The following STK24 variants were observed in gnomAD, a reference collection of about 807,000 sequenced individuals.
The protein encoded by STK24 is serine/threonine kinase 24, also known as serine/threonine-protein kinase 24.
Under a neutral mutation model 55.6 loss-of-function variants are expected in STK24, and 21 were observed. That is an observed-to-expected ratio of 0.38 (90% CI 0.27 to 0.54). STK24 has a LOEUF of 0.54. Ranked by LOEUF, STK24 falls within the 20% of genes least tolerant of loss-of-function variation. The pLI is 0.79. For synonymous variants in STK24, 200 were observed against 215.2 expected (o/e 0.93, Z 0.62); for missense variants, 383 against 538.4 (o/e 0.71, Z 2.86).
At chr13:98,565,268 G>A (rs1027760390) in intron 1 of STK24, among the ~76,000 whole-genome samples, 1 of 151,770 alleles carries the variant, frequency 6.6e-6, no homozygotes, top group African/African-American at 2.4e-5. Context: ...GAAACTCCAG[G>A]GCAGCAGGGC....
intron 1 of STK24, among the ~76,000 whole-genome samples, chr13:98,547,541 C>T (rs1897058135): frequency 6.6e-6 from 1 of 152,160 alleles, no homozygotes; most frequent in Admixed American, 6.5e-5. Context: ...GAATGAGACC[C>T]TATTTCTTTA....
chr13:98,518,728 A>G (rs148312643), intron 2 of STK24, among the ~76,000 whole-genome samples: 424 of 152,344 alleles, frequency 2.8e-3, no homozygotes, highest in Non-Finnish European at 4.9e-3. Flanking sequence ...TCATATTATT[A>G]TAACTACCGT....
intron 10 of STK24, 22 bp from the exon 11 acceptor site, chr13:98,453,231 G>A: frequency 4.4e-6 from 7 of 1,607,990 alleles, no homozygotes; most frequent in Middle Eastern, 1.7e-4. Context: ...GAGAGAGAGA[G>A]AAGTCAACAC....
chr13:98,545,633 CAAAAAAA>C (rs57995539), intron 1 of STK24, among the ~76,000 whole-genome samples: 1 of 118,156 alleles, frequency 8.5e-6, no homozygotes. Flanking sequence ...AACTCCATCT[CAAAAAAA>C]AAAAAAAAAA....
intron 1 of STK24, among the ~76,000 whole-genome samples, chr13:98,523,059 C>T (rs1301142274): frequency 3.9e-5 from 6 of 152,206 alleles, no homozygotes; most frequent in East Asian, 1.9e-4. Flanking sequence ...CCCCATCCTA[C>T]GAAGAATTTC....
intron 9 of STK24, 72 bp from the exon 10 acceptor site, chr13:98,457,376 G>A (rs968081810): frequency 1.2e-6 from 2 of 1,606,584 alleles, no homozygotes; most frequent in Non-Finnish European, 1.7e-6. Context: ...GCTGTTCAAG[G>A]AACAACACGG....
At chr13:98,576,665 G>T in intron 1 of STK24, 80 bp downstream of exon 1, 2 of 1,272,354 alleles carry the variant, frequency 1.6e-6, no homozygotes, top group Non-Finnish European at 1.1e-6. Context: ...CTGAGCGTAG[G>T]GGGACGCCGT....
intron 2 of STK24, among the ~76,000 whole-genome samples, chr13:98,502,168 C>T (rs1278220721): frequency 6.6e-6 from 1 of 152,138 alleles, no homozygotes. Context: ...AGCACTTACT[C>T]AGGGTGACAT....
At chr13:98,508,309 T>TGTTA (rs1310158339) in intron 2 of STK24, among the ~76,000 whole-genome samples, 2 of 152,172 alleles carry the variant, frequency 1.3e-5, no homozygotes, top group African/African-American at 4.8e-5. Context: ...CAGAGGACGC[T>TGTTA]TCAAAGTTAA....
chr13:98,501,643 C>A (rs1318671996), intron 2 of STK24, among the ~76,000 whole-genome samples: 1 of 152,106 alleles, frequency 6.6e-6, no homozygotes, highest in Non-Finnish European at 1.5e-5. Context: ...AATATATACA[C>A]CTACTGTGTA....
intron 1 of STK24, among the ~76,000 whole-genome samples, chr13:98,528,440 C>T (rs1033375894): frequency 6.6e-6 from 1 of 152,176 alleles, no homozygotes; most frequent in Admixed American, 6.5e-5. Context: ...TCCAGGGTTC[C>T]GGCTCCTTTG....
chr13:98,511,420 T>C (rs530607790), intron 2 of STK24, among the ~76,000 whole-genome samples: 9 of 152,310 alleles, frequency 5.9e-5, no homozygotes, highest in East Asian at 5.8e-4. Context: ...AGACATTAAA[T>C]AGAAATTAAA....
intron 1 of STK24, chr13:98,576,004 G>C (rs1333833661): frequency 9.1e-6 from 9 of 984,970 alleles, no homozygotes; most frequent in Non-Finnish European, 1.1e-5. Flanking sequence ...CCGAAAGAGA[G>C]GTTTACTGGG....
intron 2 of STK24, among the ~76,000 whole-genome samples, chr13:98,506,642 G>A (rs1166313274): frequency 6.6e-6 from 1 of 152,200 alleles, no homozygotes; most frequent in Non-Finnish European, 1.5e-5. Context: ...CCCTGGCTAA[G>A]CTTCCGGATC....
chr13:98,458,782 C>T (rs1474973851), intron 9 of STK24, among the ~76,000 whole-genome samples: 1 of 152,178 alleles, frequency 6.6e-6, no homozygotes, highest in East Asian at 1.9e-4. Context: ...AGCAACCTGA[C>T]CTGTGCTCCC....
intron 1 of STK24, among the ~76,000 whole-genome samples, chr13:98,558,704 C>G (rs965074896): frequency 1.3e-5 from 2 of 152,176 alleles, no homozygotes; most frequent in East Asian, 3.9e-4. Flanking sequence ...AAACTCCTTT[C>G]TATACGAAAA....
At chr13:98,569,654 T>C (rs1441581836) in intron 1 of STK24, among the ~76,000 whole-genome samples, 1 of 151,968 alleles carries the variant, frequency 6.6e-6, no homozygotes, top group Non-Finnish European at 1.5e-5. Context: ...GATCAGTAAC[T>C]ATGGTTGAGT....
intron 2 of STK24, among the ~76,000 whole-genome samples, chr13:98,515,055 T>C (rs918155980): frequency 2.7e-5 from 4 of 146,406 alleles, no homozygotes; most frequent in Non-Finnish European, 4.5e-5. Context: ...TGAATCTCAA[T>C]ATGGACACTC....
chr13:98,482,253 C>A lies in STK24; in HGVS notation c.330+12G>T. The A allele has an allele frequency of 6.6e-7, 1 of 1,523,956 alleles. No homozygotes were observed. The highest frequency in any genetic ancestry group is 2.3e-5 in the East Asian group (1 of 43,554). 94.4% of individuals were successfully genotyped at this position (1,523,956 alleles called of 1,614,324 possible). A position where few individuals can be genotyped will look rare whatever the true frequency, so the allele number is the denominator to read the frequency against. On this transcript the variant is annotated intron_variant, in intron 3 of 10. Transcript: ENST00000539966. ...GCTTTGATACGTATTCTGCATCCAA[C>A]ATAATACTTACTAGATCTAGTGCGG...
Sources: allele counts gnomAD v4.1 joint callset (sites outside exome capture counted in the v4.1 genomes callset), GRCh38; gene constraint gnomAD v4.1.1; transcripts MANE v1.5; gene names NCBI Gene and HGNC (gene_info 2026-07-23, HGNC 2026-07-21).